The following EML6 variants were observed in gnomAD, a reference collection of about 807,000 sequenced individuals.
EML6 encodes the protein echinoderm microtubule-associated protein-like 6.
A neutral mutation model predicts 240.1 loss-of-function variants in EML6; 154 were observed. The ratio of observed to expected loss-of-function variants is 0.64; its 90% confidence interval spans 0.56 to 0.73. The LOEUF (loss-of-function observed/expected upper bound fraction) is 0.73, where lower values mean the gene tolerates loss of function less well. Among genes scored for constraint, EML6 ranks in the 30% least tolerant of loss-of-function variants. The pLI is 0.00. For missense variants in EML6, 2,964 were observed against 2,474.6 expected, an observed-to-expected ratio of 1.20 and a Z score of -4.20; for synonymous variants, 1,148 against 899.0, an observed-to-expected ratio of 1.28 and a Z score of -4.95.
At chr2:54,859,488 A>G (rs1670562803) in intron 11 of EML6, 46 bp from the exon 12 acceptor site, 2 of 1,471,172 alleles carry the variant, frequency 1.4e-6, no homozygotes, top group Non-Finnish European at 1.8e-6. Flanking sequence ...AAACTAATGA[A>G]CTCTTCTTTT....
chr2:54,787,265 C>G (rs545697050), intron 2 of EML6, among the ~76,000 whole-genome samples: 12 of 146,558 alleles, frequency 8.2e-5, no homozygotes, highest in South Asian at 2.2e-4. Flanking sequence ...CTCCCATGGT[C>G]TGAGCCTTGT....
chr2:54,895,915 A>G (rs1672738069), intron 21 of EML6, among the ~76,000 whole-genome samples: 2 of 152,234 alleles, frequency 1.3e-5, no homozygotes, highest in African/African-American at 4.8e-5. Context: ...AGATACTACA[A>G]TTTTATGTTA....
intron 9 of EML6, among the ~76,000 whole-genome samples, chr2:54,848,819 A>C (rs1209005763): frequency 6.6e-6 from 1 of 152,188 alleles, no homozygotes; most frequent in African/African-American, 2.4e-5. Flanking sequence ...GAAACAAAAC[A>C]AAATATTCCA....
chr2:54,941,891 C>T (rs1367436407), intron 28 of EML6, among the ~76,000 whole-genome samples: 1 of 152,202 alleles, frequency 6.6e-6, no homozygotes, highest in Non-Finnish European at 1.5e-5. Context: ...GGTAGAAATG[C>T]AAGACTCCTG....
chr2:54,863,416 G>A (rs1670787778), intron 12 of EML6, among the ~76,000 whole-genome samples: 1 of 152,194 alleles, frequency 6.6e-6, no homozygotes, highest in Non-Finnish European at 1.5e-5. Context: ...CAGCTGCCAG[G>A]AGGCTGAGGT....
At chr2:54,799,387 A>T (rs529859892) in intron 2 of EML6, among the ~76,000 whole-genome samples, 9 of 149,706 alleles carry the variant, frequency 6.0e-5, no homozygotes, top group Admixed American at 4.6e-4. Flanking sequence ...TTTAAGATGG[A>T]GCCTCTGGTG....
At chr2:54,935,404 T>C (rs1214199636) in intron 28 of EML6, among the ~76,000 whole-genome samples, 2 of 152,370 alleles carry the variant, frequency 1.3e-5, no homozygotes, top group Non-Finnish European at 2.9e-5. Flanking sequence ...ATTTTACTGT[T>C]GAACAGTAAT....
In EML6 at chr2:54,951,551, G is replaced by GAA. The variant is rs11375657; in HGVS notation, c.4213+782_4213+783dup. ...CAGAGGGAGACTCTTATTTCAAAAA[G>GAA]AAAAAAAAAAATACTCAAACCACAT... On this transcript the variant is annotated intron_variant, in intron 30 of 41. Coordinates refer to ENST00000356458, the MANE Select transcript of EML6 (RefSeq NM_001039753.4). 4.4e-4 allele frequency among the ~76,000 whole-genome samples: 64 copies of GAA among 144,704 alleles called. 1 individual carries two copies. Among genetic ancestry groups the GAA allele is most frequent in the Middle Eastern group, 3.5e-3 (1 of 288 alleles). 94.9% of individuals were successfully genotyped at this position (144,704 alleles called of 152,430 possible).
chr2:54,969,383 G>A (rs919635360), intron 41 of EML6, among the ~76,000 whole-genome samples: 2 of 152,128 alleles, frequency 1.3e-5, no homozygotes, highest in African/African-American at 4.8e-5. Context: ...TGTAAGAAAG[G>A]CACCTATAAA....
chr2:54,952,943 C>G (rs1174640904), intron 31 of EML6, among the ~76,000 whole-genome samples: 1 of 152,126 alleles, frequency 6.6e-6, no homozygotes, highest in Non-Finnish European at 1.5e-5. Flanking sequence ...TCCCTGTGGA[C>G]TTGTAAGAAT....
chr2:54,940,744 T>C (rs1240161834), intron 28 of EML6, among the ~76,000 whole-genome samples: 1 of 152,236 alleles, frequency 6.6e-6, no homozygotes, highest in African/African-American at 2.4e-5. Context: ...ATGTGACTGA[T>C]GTAGAATCCA....
chr2:54,968,173 C>T lies in EML6; in HGVS notation c.5643C>T (p.Asp1881=). ...EVIGIWPRNA[D]KADVNCACVT... is the part of the protein sequence containing the mutation. ...TTGGAATCTGGCCACGAAATGCAGA[C>T]AAGGCTGATGTCAACTGCGCATGTG... The change falls in exon 40 of 42, where the codon GAC becomes GAT. Residue 1881 remains aspartate, a synonymous_variant. Coordinates refer to ENST00000356458, the MANE Select transcript of EML6 (RefSeq NM_001039753.4). The T allele has an allele frequency of 6.4e-7, 1 of 1,551,638 alleles. No homozygotes were observed. The highest frequency in any genetic ancestry group is 8.7e-7 in the Non-Finnish European group (1 of 1,146,984).
chr2:54,952,656 C>A lies in EML6; in HGVS notation c.4276C>A (p.Pro1426Thr), dbSNP rs1341511339. 1.9e-6 allele frequency: 3 copies of A among 1,551,396 alleles called. No homozygotes were observed. In the Admixed American group the frequency reaches 5.9e-5, roughly 30 times the overall value. Residue 1426 changes from proline (P) to threonine (T), a missense_variant, in exon 31 of 42, where the codon CCC becomes ACC. Coordinates refer to ENST00000356458, the MANE Select transcript of EML6 (RefSeq NM_001039753.4). ...CCTCTGTCTCACAGTGAACCAGCAC[C>A]CCAAGTACAGAAACGTGGTGGCCAC... Reference protein sequence around the residue: ...DILCLTVNQHPKYRNVVATSQ... With the variant: ...DILCLTVNQHTKYRNVVATSQ...
intron 2 of EML6, among the ~76,000 whole-genome samples, chr2:54,805,220 C>T (rs1236835908): frequency 1.3e-5 from 2 of 152,132 alleles, no homozygotes; most frequent in Non-Finnish European, 2.9e-5. Context: ...ACTTGTTGTA[C>T]GTGTGACCTA....
At chr2:54,944,521 A>T (rs1301650023) in intron 28 of EML6, among the ~76,000 whole-genome samples, 2 of 152,136 alleles carry the variant, frequency 1.3e-5, no homozygotes, top group Non-Finnish European at 2.9e-5. Context: ...CCTCTTCAGT[A>T]TTCTGCCCAT....
chr2:54,899,829 A>G (rs1418573498), intron 22 of EML6, 47 bp downstream of exon 22: 2 of 1,504,734 alleles, frequency 1.3e-6, no homozygotes, highest in Admixed American at 4.1e-5. Flanking sequence ...TACAAGTAAC[A>G]GAATGTGTCA....
At chr2:54,924,410 C>T (rs1674430703) in intron 26 of EML6, among the ~76,000 whole-genome samples, 2 of 152,130 alleles carry the variant, frequency 1.3e-5, no homozygotes. Flanking sequence ...AATCTTCTGT[C>T]CATTGTTTTA....
intron 36 of EML6, 110 bp downstream of exon 36, chr2:54,962,821 A>C (rs958363309): frequency 1.2e-6 from 1 of 825,276 alleles, no homozygotes; most frequent in African/African-American, 1.8e-5. Context: ...GGATGGGGCC[A>C]GGTAGGAGAT....
In EML6 at chr2:54,741,701, A is replaced by G. The variant is rs534074011; in HGVS notation, c.197+16443A>G. Among the ~76,000 whole-genome samples the G allele has an allele frequency of 3.3e-5, 5 of 152,372 alleles. No individual in the cohort carries two copies. The South Asian group carries it at 1.0e-3, about 32-fold the overall frequency. ...CTTAAAGAATAAGGGGAGATATTAA[A>G]ATGACATGAGAGCCAGCTTGAAGGG... is the stretch of plus-strand genomic sequence containing the variant. On this transcript the variant is annotated intron_variant, in intron 2 of 41. Coordinates refer to ENST00000356458, the MANE Select transcript of EML6 (RefSeq NM_001039753.4).
Sources: allele counts gnomAD v4.1 joint callset (sites outside exome capture counted in the v4.1 genomes callset), GRCh38; gene constraint gnomAD v4.1.1; transcripts MANE v1.5; gene names NCBI Gene and HGNC (gene_info 2026-07-23, HGNC 2026-07-21).